TBKBP1: variants seen among roughly 807,000 people sequenced by gnomAD.
The protein encoded by TBKBP1 is TBK1 binding protein 1, also known as TANK-binding kinase 1-binding protein 1.
In TBKBP1, 47 loss-of-function variants were observed where a neutral mutation model predicts 69.9. The ratio of observed to expected loss-of-function variants is 0.67; its 90% CI spans 0.53 to 0.86. The LOEUF is 0.86. Ranked by LOEUF, TBKBP1 falls within the 40% of genes least tolerant of loss-of-function variation. The probability of loss-of-function intolerance (pLI) is 0.00; values close to 1 mark genes in which losing one functional copy is unlikely to be tolerated. For missense variants in TBKBP1, 831 were observed against 858.6 expected, an observed-to-expected ratio of 0.97 and a Z score of 0.40; for synonymous variants, 418 against 390.3, an observed-to-expected ratio of 1.07 and a Z score of -0.84.
chr17:47,699,369 G>A lies in TBKBP1; in HGVS notation c.684G>A (p.Arg228=). 1 of 1,558,300 alleles carries A rather than the reference G, an allele frequency of 6.4e-7. No individual in the cohort carries two copies. The highest frequency in any genetic ancestry group is 8.6e-7 in the Non-Finnish European group (1 of 1,157,770). The change falls in exon 6 of 10, where the codon CGG becomes CGA. Residue 228 remains arginine, a synonymous_variant. Coordinates refer to ENST00000578982, the MANE Select transcript of TBKBP1 (RefSeq NM_001394755.1). ...GTGTGAGTGACCTGGAGCGGCGGCG[G>A]CTAGAAGAGGCTTTGGAGGCCGCGC... ...TPSVSDLERR[R]LEEALEAAQG...
At position 47,708,382 on chromosome 17, in the gene TBKBP1, C is replaced by G. The variant is rs932484078; in HGVS notation, c.873-12C>G. 1.2e-6 allele frequency: 2 copies of G among 1,613,652 alleles called. No homozygotes were observed. The highest frequency in any genetic ancestry group is 1.7e-5 in the Admixed American group (1 of 59,982). On this transcript the variant is annotated splice_polypyrimidine_tract_variant and intron_variant, in intron 7 of 9. Transcript: ENST00000578982. This position sits in a 1 kb window ranked among gnomAD's most constrained non-coding sequence, Gnocchi z 4.4. ...TGCCCTTCTCGTCTTTCCCACTGCCCTCTGACTTCAGGGTGAATTTGGCGC... is the reference window on the plus strand; with the variant it reads ...TGCCCTTCTCGTCTTTCCCACTGCCGTCTGACTTCAGGGTGAATTTGGCGC...
intron 7 of TBKBP1, among the ~76,000 whole-genome samples, chr17:47,705,626 G>C (rs966797509): frequency 6.6e-6 from 1 of 152,218 alleles, no homozygotes; most frequent in African/African-American, 2.4e-5. Flanking sequence ...AATGGAATGT[G>C]TATTTCGGTG....
chr17:47,707,524 T>C (rs940347412), intron 7 of TBKBP1, among the ~76,000 whole-genome samples: 1 of 152,192 alleles, frequency 6.6e-6, no homozygotes, highest in African/African-American at 2.4e-5. Flanking sequence ...GGTGGGAATA[T>C]AAATACAATG....
rs141891247 is a variant in TBKBP1, at chr17:47,695,515, C to G, written c.-34-564C>G. The G allele has an allele frequency of 8.4e-3, 1,277 of 152,742 alleles. 10 individuals are homozygous for G. The highest frequency in any genetic ancestry group is 0.013 in the Non-Finnish European group (904 of 68,312). The allele number at this position is 152,742 out of a possible 1,614,324, so 9.5% of individuals were successfully genotyped here. ...GGACCGCTGCCACAGCCCCGGTGCG[C>G]CCGGGGGAGGCGCTTCCTTTTCCTG... On this transcript the variant is annotated intron_variant, in intron 1 of 9. Coordinates refer to ENST00000578982, the MANE Select transcript of TBKBP1 (RefSeq NM_001394755.1).
chr17:47,701,395 T>A (rs572470466), intron 7 of TBKBP1, among the ~76,000 whole-genome samples: 51 of 151,692 alleles, frequency 3.4e-4, no homozygotes, highest in African/African-American at 1.1e-3. Flanking sequence ...TCTCTCTCTC[T>A]CACACTCTCC....
chr17:47,706,489 T>G (rs900701032), intron 7 of TBKBP1, among the ~76,000 whole-genome samples: 12 of 152,078 alleles, frequency 7.9e-5, no homozygotes, highest in African/African-American at 2.9e-4. Flanking sequence ...GGCTGAGATG[T>G]GATGGGATGG....
intron 4 of TBKBP1, 49 bp downstream of exon 4, chr17:47,697,242 T>C: frequency 6.8e-7 from 1 of 1,464,072 alleles, no homozygotes; most frequent in Non-Finnish European, 9.4e-7. Context: ...GCTGGTTGTG[T>C]GTGTGCATGT....
In TBKBP1 at chr17:47,711,380, C is replaced by T. The variant is rs570935759; in HGVS notation, c.*754C>T. The T allele has an allele frequency of 2.0e-5, 3 of 152,882 alleles. No individual in the cohort carries two copies. In the South Asian group the frequency reaches 6.2e-4, roughly 32 times the overall value. The allele number at this position is 152,882 out of a possible 1,614,324, so 9.5% of individuals were successfully genotyped here. A position where few individuals can be genotyped will look rare whatever the true frequency, so the allele number is the denominator to read the frequency against. On this transcript the variant is annotated 3_prime_UTR_variant, in exon 10 of 10. Transcript: ENST00000578982. ...GGACTGTCTGCCAGCCTCCCAGGCC[C>T]ATGCCCTCCTGGTGCCCCTGGCACT...
Position 47,709,225 on chromosome 17 carries a change from G to C in TBKBP1, c.1492G>C (p.Gly498Arg). 6.6e-7 allele frequency: 1 copy of C among 1,523,670 alleles called. No homozygotes were observed. Among genetic ancestry groups the C allele is most frequent in the Non-Finnish European group, 8.7e-7 (1 of 1,144,912 alleles). The allele number at this position is 1,523,670 out of a possible 1,614,324, so 94.4% of individuals were successfully genotyped here. ...CCGGGCCTACGGCAGCGAGCTCTAC[G>C]GCCCTGGCAGGCCCCTCAGCCCGCG... ...KPRAYGSELY[G>R]PGRPLSPRRA... Residue 498 changes from glycine (G) to arginine (R), a missense_variant, in exon 9 of 10, where the codon GGC becomes CGC. By Grantham distance (125) the Gly-to-Arg change is moderately radical. Coordinates refer to ENST00000578982, the MANE Select transcript of TBKBP1 (RefSeq NM_001394755.1).
chr17:47,696,072 C>A lies in TBKBP1; in HGVS notation c.-34-7C>A. 1 of 1,534,684 alleles carries A rather than the reference C, an allele frequency of 6.5e-7. No individual in the cohort carries two copies. The highest frequency in any genetic ancestry group is 8.8e-7 in the Non-Finnish European group (1 of 1,132,078). On this transcript the variant is annotated splice_polypyrimidine_tract_variant and splice_region_variant and intron_variant, in intron 1 of 9. Transcript: ENST00000578982. ...GGCCCTGTCCACGGTTGCTCCTGCTCTCCTAGGAGGCCCCGTGTGGGCCGC... is the reference window on the plus strand; with the variant it reads ...GGCCCTGTCCACGGTTGCTCCTGCTATCCTAGGAGGCCCCGTGTGGGCCGC...
intron 7 of TBKBP1, among the ~76,000 whole-genome samples, chr17:47,700,076 G>A (rs573475002): frequency 1.0e-4 from 15 of 149,722 alleles, no homozygotes; most frequent in South Asian, 2.1e-4. Flanking sequence ...CAAGCTCCGC[G>A]TCCTGGTTCA....
At chr17:47,704,430 G>A (rs1381887290) in intron 7 of TBKBP1, among the ~76,000 whole-genome samples, 1 of 152,244 alleles carries the variant, frequency 6.6e-6, no homozygotes, top group African/African-American at 2.4e-5. Context: ...CTCCCCGAGG[G>A]TCGGGCGGGA....
intron 7 of TBKBP1, among the ~76,000 whole-genome samples, chr17:47,701,809 C>T (rs1215401622): frequency 6.6e-6 from 1 of 152,238 alleles, no homozygotes; most frequent in Non-Finnish European, 1.5e-5. Flanking sequence ...CCTTCCCTCT[C>T]TCTCTCAAGG....
intron 2 of TBKBP1, 75 bp from the exon 3 acceptor site, chr17:47,696,636 T>TG: frequency 6.2e-7 from 1 of 1,605,574 alleles, no homozygotes; most frequent in East Asian, 2.2e-5. Context: ...GGTTGTGGGT[T>TG]GGGGGCACAG....
chr17:47,702,200 C>T (rs564257711), intron 7 of TBKBP1, among the ~76,000 whole-genome samples: 2 of 152,322 alleles, frequency 1.3e-5, no homozygotes, highest in Admixed American at 6.5e-5. Flanking sequence ...TCCTCTTCCC[C>T]CACTAGTGCC....
intron 7 of TBKBP1, among the ~76,000 whole-genome samples, chr17:47,703,582 C>G (rs2031595126): frequency 6.6e-6 from 1 of 152,188 alleles, no homozygotes; most frequent in Admixed American, 6.5e-5. Flanking sequence ...GCTTTGCCTG[C>G]CAGCAGGGTG....
intron 5 of TBKBP1, 98 bp from the exon 6 acceptor site, chr17:47,699,222 C>T (rs1248279788): frequency 7.6e-7 from 1 of 1,323,930 alleles, no homozygotes; most frequent in African/African-American, 1.5e-5. Flanking sequence ...CCTGGCTTCT[C>T]TCTTGGAGTC....
chr17:47,700,490 C>T (rs917922139), intron 7 of TBKBP1, among the ~76,000 whole-genome samples: 3 of 151,566 alleles, frequency 2.0e-5, no homozygotes, highest in Non-Finnish European at 4.4e-5. Flanking sequence ...GCTGCTTTGT[C>T]GCTGTGTCCA....
intron 4 of TBKBP1, among the ~76,000 whole-genome samples, chr17:47,697,654 G>A (rs948082312): frequency 2.0e-5 from 3 of 152,124 alleles, no homozygotes; most frequent in Non-Finnish European, 4.4e-5. Flanking sequence ...GGGTATGGCT[G>A]TGCCGGTGAG....
Sources: gnomAD v4.1 joint callset for allele counts (sites outside exome capture counted in the v4.1 genomes callset) on GRCh38, gnomAD v4.1.1 for gene constraint, Gnocchi (gnomAD v3.1) non-coding constraint, MANE v1.5 for transcripts, NCBI Gene and HGNC (gene_info 2026-07-23, HGNC 2026-07-21) for gene names.